The following UBR4 variants were observed in gnomAD, a reference collection of about 807,000 sequenced individuals.
UBR4 encodes the protein E3 ubiquitin-protein ligase UBR4.
UBR4 carries 124 observed loss-of-function variants against 575.6 expected under a neutral mutation model. That is an observed-to-expected ratio of 0.22 (90% CI 0.19 to 0.25). The LOEUF is 0.25. Among genes scored for constraint, UBR4 ranks in the 10% least tolerant of loss-of-function variants. UBR4 has a pLI of 1.00. For missense variants in UBR4, 4,818 were observed against 6,478.8 expected (o/e 0.74, Z 8.80); for synonymous variants, 2,455 against 2,473.7 (o/e 0.99, Z 0.22).
chr1:19,207,823 T>C (rs1458499814), intron 1 of UBR4, among the ~76,000 whole-genome samples: 2 of 152,100 alleles, frequency 1.3e-5, no homozygotes, highest in African/African-American at 4.8e-5. Context: ...AAATATTACA[T>C]GAAATTCAAA....
In UBR4 at chr1:19,170,745, C is replaced by A. The variant is rs149373064; in HGVS notation, c.3643+17G>T. 2.0e-4 allele frequency: 329 copies of A among 1,614,086 alleles called. 3 individuals are homozygous for A. The East Asian group carries it at 7.2e-3, about 35-fold the overall frequency. ...CTGTTGTAATAATATTACTCAAAAG[C>A]ACATTTGTTCTCTTACCCAGAGTAT... On this transcript the variant is annotated intron_variant, in intron 26 of 105. Coordinates refer to ENST00000375254, the MANE Select transcript of UBR4 (RefSeq NM_020765.3).
At chr1:19,145,670 T>C in intron 53 of UBR4, 123 bp downstream of exon 53, 2 of 1,271,804 alleles carry the variant, frequency 1.6e-6, no homozygotes, top group South Asian at 1.5e-5. Flanking sequence ...TACTTCCCAA[T>C]TATGAGTTCT....
rs2085938982 is a variant in UBR4 at position 19,152,954 on chromosome 1, TG to T, written c.6832+346del. Reference sequence around the variant, plus strand: ...GCTAGACCACCAGCTCAGAGACCTGTGGTGGGCTCTTCACTACTCAGTGGGA... The same window carrying T: ...GCTAGACCACCAGCTCAGAGACCTGTGTGGGCTCTTCACTACTCAGTGGGA... On this transcript the variant is annotated intron_variant, in intron 46 of 105. Coordinates refer to ENST00000375254, the MANE Select transcript of UBR4 (RefSeq NM_020765.3). The surrounding 1 kb of genome is among the most constrained non-coding windows in gnomAD (Gnocchi z 4.4). Among the ~76,000 whole-genome samples the T allele has an allele frequency of 3.3e-5, 5 of 152,200 alleles. No homozygotes were observed. The highest frequency in any genetic ancestry group is 3.3e-4 in the Admixed American group (5 of 15,274).
intron 49 of UBR4, among the ~76,000 whole-genome samples, chr1:19,150,109 A>C (rs755168617): frequency 6.6e-6 from 1 of 152,230 alleles, no homozygotes; most frequent in Non-Finnish European, 1.5e-5. Flanking sequence ...AGACTTAAGG[A>C]AACTCTAGAC....
In UBR4 at chr1:19,128,999, G is replaced by T; in HGVS notation, c.8982C>A (p.Val2994=). The T allele has an allele frequency of 6.2e-7, 1 of 1,614,044 alleles. No homozygotes were observed. The highest frequency in any genetic ancestry group is 8.5e-7 in the Non-Finnish European group (1 of 1,179,980). Residue 2994 remains valine (V), a synonymous_variant, in exon 61 of 106, where the codon GTC becomes GTA. Coordinates refer to ENST00000375254, the MANE Select transcript of UBR4 (RefSeq NM_020765.3). ...ATACCTGCATGTATGGGATGGCCCG[G>T]ACACCGCCAACGTTTCGTAATTGAG... ...TLPQLRNVGG[V]RAIPYMQVIL...
At chr1:19,128,921 A>G (rs2149647282) in intron 61 of UBR4, 57 bp downstream of exon 61, 8 of 1,501,682 alleles carry the variant, frequency 5.3e-6, no homozygotes, top group Non-Finnish European at 6.5e-6. Flanking sequence ...AGATGTGGGC[A>G]TGCTTAAGGA....
chr1:19,154,066 A>G, intron 44 of UBR4, 127 bp from the exon 45 acceptor site: 1 of 1,044,250 alleles, frequency 9.6e-7, no homozygotes, highest in Non-Finnish European at 1.4e-6. Flanking sequence ...AGGGACTCAG[A>G]TTATCCACAG....
At chr1:19,103,475 G>C (rs1359439216) in intron 87 of UBR4, among the ~76,000 whole-genome samples, 1 of 152,140 alleles carries the variant, frequency 6.6e-6, no homozygotes, top group African/African-American at 2.4e-5. Context: ...TGAGGCAGGC[G>C]AATCGCTTGA....
chr1:19,096,090 G>A (rs1427063973), intron 92 of UBR4, among the ~76,000 whole-genome samples: 2 of 152,074 alleles, frequency 1.3e-5, no homozygotes, highest in African/African-American at 4.8e-5. Flanking sequence ...CTGGGGGAGT[G>A]GGGGTGGGGA....
intron 17 of UBR4, among the ~76,000 whole-genome samples, chr1:19,179,888 A>T (rs765316254): frequency 6.6e-6 from 1 of 152,250 alleles, no homozygotes; most frequent in Non-Finnish European, 1.5e-5. Flanking sequence ...GACACAAAGC[A>T]TGGTTACTGT....
At chr1:19,086,382 G>A (rs1201499495) in intron 100 of UBR4, 112 bp from the exon 101 acceptor site, 14 of 1,370,300 alleles carry the variant, frequency 1.0e-5, no homozygotes, top group African/African-American at 1.4e-5. Context: ...TAAGAAGTCA[G>A]TCGGCCCAGG....
At position 19,105,140 on chromosome 1, in the gene UBR4, C is replaced by T. The variant is rs370388852; in HGVS notation, c.12553G>A (p.Ala4185Thr). The change falls in exon 85 of 106, where the codon GCT becomes ACT. Residue 4185 changes from alanine to threonine, a missense_variant. Physicochemically the swap from Ala to Thr is moderately conservative, Grantham distance 58 (BLOSUM62 0). Transcript: ENST00000375254. Reference sequence around the variant, plus strand: ...GAAGTGATGAGCTTCTGGTAGAGAGCCAGGTACTCAGCTGCACACTCCCCA... The same window carrying T: ...GAAGTGATGAGCTTCTGGTAGAGAGTCAGGTACTCAGCTGCACACTCCCCA... ...IAGECAAEYL[A>T]LYQKLITSAH... The T allele has an allele frequency of 2.1e-5, 34 of 1,613,910 alleles. No individual in the cohort carries two copies. The highest frequency in any genetic ancestry group is 4.0e-5 in the African/African-American group (3 of 74,874).
chr1:19,123,109 T>C (rs1570757242), intron 65 of UBR4, 49 bp from the exon 66 acceptor site: 2 of 1,584,916 alleles, frequency 1.3e-6, no homozygotes, highest in East Asian at 4.5e-5. Context: ...GGACTGTATC[T>C]ATATCAACTG....
intron 68 of UBR4, 150 bp downstream of exon 68, chr1:19,121,039 T>G (rs929795438): frequency 3.6e-6 from 4 of 1,110,506 alleles, no homozygotes; most frequent in Non-Finnish European, 5.1e-6. Context: ...TAATTGAAAA[T>G]GAGACCAAAA....
chr1:19,110,597 G>C lies in UBR4; in HGVS notation c.11893-133C>G, dbSNP rs562679217. The C allele has an allele frequency of 2.5e-4, 335 of 1,346,030 alleles. 2 individuals carry two copies. In the African/African-American group the frequency reaches 4.4e-3, roughly 18 times the overall value. 83.4% of individuals were successfully genotyped at this position (1,346,030 alleles called of 1,614,324 possible). On this transcript the variant is annotated intron_variant, in intron 79 of 105. Coordinates refer to ENST00000375254, the MANE Select transcript of UBR4 (RefSeq NM_020765.3). This position sits in a 1 kb window ranked among gnomAD's most constrained non-coding sequence, Gnocchi z 4.5. Reference sequence around the variant, plus strand: ...GACAGACGGAGACCCTTGTGCTCCAGGCTCTTCCCTGGGAAAACCATTCTG... The same window carrying C: ...GACAGACGGAGACCCTTGTGCTCCACGCTCTTCCCTGGGAAAACCATTCTG...
chr1:19,176,449 T>A, intron 20 of UBR4, 143 bp downstream of exon 20: 2 of 973,754 alleles, frequency 2.1e-6, no homozygotes, highest in Non-Finnish European at 3.0e-6. Context: ...TCTGAAATGT[T>A]TTAATCCATA....
At chr1:19,144,747 T>C (rs770488075) in intron 54 of UBR4, 39 bp downstream of exon 54, 4 of 1,579,654 alleles carry the variant, frequency 2.5e-6, no homozygotes, top group South Asian at 1.2e-5. Context: ...AGATATTCCC[T>C]GGCTGCTGCG....
intron 71 of UBR4, chr1:19,118,596 A>C (rs2080847759): frequency 2.8e-6 from 1 of 362,786 alleles, no homozygotes; most frequent in Non-Finnish European, 5.0e-6. Context: ...AACTTTTTTA[A>C]ATTTTTTTTT....
Position 19,210,061 on chromosome 1 carries a change from G to A in UBR4, c.176+12C>T, listed in dbSNP as rs1384221175. 7.8e-6 allele frequency: 12 copies of A among 1,538,064 alleles called. No individual in the cohort carries two copies. The highest frequency in any genetic ancestry group is 8.7e-6 in the Non-Finnish European group (10 of 1,143,466). On this transcript the variant is annotated intron_variant, in intron 1 of 105. Coordinates refer to ENST00000375254, the MANE Select transcript of UBR4 (RefSeq NM_020765.3). ...CACAACAGCGTCGCCCGCCAGAGCC[G>A]CCGCCCGGTACCTCTCGATGACTGA...
Sources: gnomAD v4.1 joint callset for allele counts (sites outside exome capture counted in the v4.1 genomes callset) on GRCh38, gnomAD v4.1.1 for gene constraint, Gnocchi (gnomAD v3.1) non-coding constraint, MANE v1.5 for transcripts, NCBI Gene and HGNC (gene_info 2026-07-23, HGNC 2026-07-21) for gene names.